Variants in TBC1D19 observed in about 807,000 individuals in gnomAD.
TBC1D19 encodes the protein TBC1 domain family, member 19.
TBC1D19 carries 60 observed loss-of-function variants against 89.0 expected under a neutral mutation model. The ratio of observed to expected loss-of-function variants is 0.67; its 90% confidence interval spans 0.55 to 0.84. The LOEUF is 0.84. Ranked by LOEUF, TBC1D19 falls within the 40% of genes least tolerant of loss-of-function variation. TBC1D19 has a pLI of 0.00. For synonymous variants in TBC1D19, 189 were observed against 199.7 expected (o/e 0.95, Z 0.45); for missense variants, 500 against 610.8 (o/e 0.82, Z 1.91).
At chr4:26,624,031 G>T (rs745982487) in intron 4 of TBC1D19, among the ~76,000 whole-genome samples, 2 of 152,058 alleles carry the variant, frequency 1.3e-5, no homozygotes, top group Non-Finnish European at 2.9e-5. Context: ...CGATTCCAGA[G>T]CCCAGCATTT....
At chr4:26,774,309 C>G in the TBC1D19 span, among the ~76,000 whole-genome samples, 1 of 152,222 alleles carries the variant, frequency 6.6e-6, no homozygotes, top group Non-Finnish European at 1.5e-5. Flanking sequence ...TATGCTGATT[C>G]CTGGCAGATC....
chr4:26,620,242 A>T (rs1741956153), intron 3 of TBC1D19, among the ~76,000 whole-genome samples: 1 of 152,152 alleles, frequency 6.6e-6, no homozygotes, highest in Non-Finnish European at 1.5e-5. Flanking sequence ...TTTAAATATA[A>T]AATCCCCAAG....
intron 13 of TBC1D19, among the ~76,000 whole-genome samples, chr4:26,706,186 G>T (rs1445573934): frequency 6.6e-6 from 1 of 152,068 alleles, no homozygotes; most frequent in East Asian, 1.9e-4. Context: ...TCAGAGTTTT[G>T]ATTATTGATG....
the TBC1D19 span, among the ~76,000 whole-genome samples, chr4:26,818,693 G>T: frequency 6.6e-6 from 1 of 152,122 alleles, no homozygotes; most frequent in African/African-American, 2.4e-5. Flanking sequence ...TTTTTGTCCT[G>T]AACCTTTTTA....
chr4:26,835,910 G>A, the TBC1D19 span, among the ~76,000 whole-genome samples: 1 of 151,236 alleles, frequency 6.6e-6, no homozygotes. Context: ...CTTCTTTCCT[G>A]TTCTCCCCTT....
At chr4:26,740,949 A>G in intron 17 of TBC1D19, 1 of 985,440 alleles carries the variant, frequency 1.0e-6, no homozygotes, top group African/African-American at 1.7e-5. Flanking sequence ...TAAACAAATG[A>G]AGCAACACCA....
intron 13 of TBC1D19, among the ~76,000 whole-genome samples, chr4:26,697,869 A>G (rs1254103001): frequency 6.6e-6 from 1 of 152,214 alleles, no homozygotes; most frequent in Non-Finnish European, 1.5e-5. Flanking sequence ...TCTCAAAATA[A>G]TAAGCGCTAT....
intron 1 of TBC1D19, among the ~76,000 whole-genome samples, chr4:26,589,283 AAAC>A (rs374314890): frequency 0.026 from 3,964 of 151,954 alleles, 128 homozygotes; most frequent in African/African-American, 0.082. Flanking sequence ...TCAAAAACAC[AAAC>A]AACAACAACA....
At chr4:26,587,999 C>T (rs1325886452) in intron 1 of TBC1D19, among the ~76,000 whole-genome samples, 6 of 150,354 alleles carry the variant, frequency 4.0e-5, no homozygotes, top group African/African-American at 1.2e-4. Context: ...GCCCCTCCTT[C>T]CTTCCTTATA....
intron 7 of TBC1D19, among the ~76,000 whole-genome samples, chr4:26,655,493 G>T (rs948420724): frequency 6.6e-6 from 1 of 152,228 alleles, no homozygotes; most frequent in African/African-American, 2.4e-5. Flanking sequence ...AGGCAAGCAG[G>T]CCTCCTTGAG....
At chr4:26,671,992 A>C (rs1049656554) in intron 9 of TBC1D19, among the ~76,000 whole-genome samples, 157 bp from the exon 10 acceptor site, 1 of 151,906 alleles carries the variant, frequency 6.6e-6, no homozygotes, top group East Asian at 1.9e-4. Flanking sequence ...TGTAGAAAAA[A>C]CTTTTTTACA....
intron 1 of TBC1D19, among the ~76,000 whole-genome samples, chr4:26,600,977 T>C (rs949178795): frequency 6.6e-6 from 1 of 152,192 alleles, no homozygotes; most frequent in East Asian, 1.9e-4. Context: ...TCATCTGTGG[T>C]AGGTTGGGCT....
intron 13 of TBC1D19, among the ~76,000 whole-genome samples, chr4:26,698,561 A>C (rs145939675): frequency 0.058 from 8,891 of 152,158 alleles, 299 homozygotes; most frequent in East Asian, 0.11. Context: ...CCAAGACAAT[A>C]CTAAGCCAAA....
chr4:26,623,893 A>G (rs530878282), intron 4 of TBC1D19, among the ~76,000 whole-genome samples: 10 of 152,210 alleles, frequency 6.6e-5, no homozygotes, highest in African/African-American at 2.4e-4. Context: ...CTTTCAGTCT[A>G]TCTCTCCCAA....
intron 7 of TBC1D19, among the ~76,000 whole-genome samples, chr4:26,651,467 T>C (rs1744375345): frequency 2.0e-5 from 3 of 152,310 alleles, no homozygotes; most frequent in African/African-American, 7.2e-5. Flanking sequence ...TATTTTATTC[T>C]CTTTGTAGCA....
At chr4:26,828,359 G>A in the TBC1D19 span, among the ~76,000 whole-genome samples, 6 of 152,312 alleles carry the variant, frequency 3.9e-5, no homozygotes, top group South Asian at 2.1e-4. Context: ...CTAGAACTCC[G>A]TTACTGGAGC....
At chr4:26,593,760 C>G (rs1486740973) in intron 1 of TBC1D19, among the ~76,000 whole-genome samples, 1 of 152,204 alleles carries the variant, frequency 6.6e-6, no homozygotes, top group South Asian at 2.1e-4. Flanking sequence ...CACTGGCCAT[C>G]AGAGAAATGC....
Position 26,584,231 on chromosome 4 carries a change from C to A in TBC1D19, c.38C>A (p.Ala13Asp). The A allele has an allele frequency of 6.2e-7, 1 of 1,612,790 alleles. No individual in the cohort carries two copies. The highest frequency in any genetic ancestry group is 1.1e-5 in the South Asian group (1 of 90,470). The change falls in exon 1 of 21, where the codon GCC becomes GAC. Residue 13 changes from alanine to aspartate, a missense_variant. Transcript: ENST00000264866. ...GAGTCGGACCTCTCTCTCATTATTG[C>A]CCAGATAGTCCAAAAGCTCAAGGGC... ...QEESDLSLII[A>D]QIVQKLKGSN... is the part of the protein sequence containing the mutation.
chr4:26,808,749 A>T, the TBC1D19 span, among the ~76,000 whole-genome samples: 1 of 151,260 alleles, frequency 6.6e-6, no homozygotes, highest in Non-Finnish European at 1.5e-5. Flanking sequence ...AAAAAAAAGA[A>T]AAAGAAAAAG....
Sources: gnomAD v4.1 joint callset for allele counts (sites outside exome capture counted in the v4.1 genomes callset) on GRCh38, gnomAD v4.1.1 for gene constraint, MANE v1.5 for transcripts, NCBI Gene and HGNC (gene_info 2026-07-23, HGNC 2026-07-21) for gene names.